Variants in HECW1 observed in about 807,000 individuals in gnomAD.
HECW1 encodes E3 ubiquitin-protein ligase HECW1.
A neutral mutation model predicts 182.3 loss-of-function variants in HECW1; 61 were observed. The ratio of observed to expected loss-of-function variants is 0.33; its 90% confidence interval spans 0.27 to 0.41. The LOEUF is 0.41. HECW1 is among the 10% of genes least tolerant of loss of function. The probability of loss-of-function intolerance (pLI) is 1.00; values close to 1 mark genes in which losing one functional copy is unlikely to be tolerated. For missense variants in HECW1, 1,739 were observed against 2,108.9 expected (o/e 0.82, Z 3.44); for synonymous variants, 859 against 832.6 (o/e 1.03, Z -0.55).
rs1370785141 is a variant in HECW1 at position 43,456,419 on chromosome 7, A to C, written c.2623A>C (p.Ile875Leu). The C allele has an allele frequency of 2.5e-6, 4 of 1,613,968 alleles. No homozygotes were observed. The highest frequency in any genetic ancestry group is 3.4e-6 in the Non-Finnish European group (4 of 1,179,980). The stretch of plus-strand genomic sequence containing the variant: ...GGATGGCATGCGGAGATCGGGGTCC[A>C]TCCAGCAGATGGAGCAACTCAACAG... Reference protein sequence around the residue: ...TPDGMRRSGSIQQMEQLNRRY... With the variant: ...TPDGMRRSGSLQQMEQLNRRY... Residue 875 changes from isoleucine (I) to leucine (L), a missense_variant, in exon 13 of 30, where the codon ATC (isoleucine) becomes CTC (leucine). By Grantham distance (5) the Ile-to-Leu change is conservative (BLOSUM62 2). Coordinates refer to ENST00000395891, the MANE Select transcript of HECW1 (RefSeq NM_015052.5).
chr7:43,272,479 A>C (rs147725570), intron 3 of HECW1, among the ~76,000 whole-genome samples: 104 of 152,320 alleles, frequency 6.8e-4, no homozygotes, highest in African/African-American at 2.5e-3. Context: ...TTAATTGAAC[A>C]AGCAAAAAAC....
At chr7:43,165,018 C>T (rs1232710792) in intron 2 of HECW1, among the ~76,000 whole-genome samples, 1 of 152,198 alleles carries the variant, frequency 6.6e-6, no homozygotes, top group Non-Finnish European at 1.5e-5. Context: ...ATATTTGTAA[C>T]TGCTCCCTTG....
At chr7:43,374,284 T>C (rs1000802538) in intron 6 of HECW1, among the ~76,000 whole-genome samples, 29 of 152,184 alleles carry the variant, frequency 1.9e-4, no homozygotes, top group African/African-American at 6.5e-4. Flanking sequence ...CTCTACATGA[T>C]TCAAGAGAAC....
intron 3 of HECW1, among the ~76,000 whole-genome samples, chr7:43,261,966 A>G (rs116117333): frequency 0.014 from 2,055 of 152,192 alleles, 48 homozygotes; most frequent in African/African-American, 0.047. Context: ...TATGCCTGTA[A>G]TCCCAGCTCT....
intron 8 of HECW1, among the ~76,000 whole-genome samples, chr7:43,417,731 T>C (rs1469577152): frequency 1.3e-5 from 2 of 152,202 alleles, no homozygotes; most frequent in Non-Finnish European, 2.9e-5. Context: ...CACTGTGTTA[T>C]GGTCTCCATA....
At chr7:43,399,745 C>T (rs2075343947) in intron 7 of HECW1, among the ~76,000 whole-genome samples, 1 of 152,198 alleles carries the variant, frequency 6.6e-6, no homozygotes, top group Admixed American at 6.5e-5. Context: ...TCCCCAAACA[C>T]ATCATTTTTC....
intron 26 of HECW1, among the ~76,000 whole-genome samples, chr7:43,549,635 G>C (rs1306987070): frequency 6.6e-6 from 1 of 152,172 alleles, no homozygotes; most frequent in Admixed American, 6.5e-5. Flanking sequence ...GATGACTCAA[G>C]CATGTCCTAA....
At chr7:43,309,673 G>A (rs576841066) in intron 3 of HECW1, among the ~76,000 whole-genome samples, 2 of 152,308 alleles carry the variant, frequency 1.3e-5, no homozygotes, top group South Asian at 4.1e-4. Context: ...TCTCCCCTGA[G>A]CACCAGTATA....
intron 6 of HECW1, among the ~76,000 whole-genome samples, chr7:43,371,610 A>G (rs60103742): frequency 0.053 from 7,990 of 152,188 alleles, 653 homozygotes; most frequent in African/African-American, 0.17. Flanking sequence ...AAAATTTATC[A>G]AATTTATCAA....
chr7:43,294,991 G>A (rs1014872751), intron 3 of HECW1, among the ~76,000 whole-genome samples: 15 of 152,048 alleles, frequency 9.9e-5, no homozygotes, highest in African/African-American at 2.4e-4. Flanking sequence ...GCAGGACAAC[G>A]CCAAGCAGGG....
At chr7:43,303,433 A>G (rs1266297445) in intron 3 of HECW1, among the ~76,000 whole-genome samples, 3 of 149,754 alleles carry the variant, frequency 2.0e-5, no homozygotes, top group Non-Finnish European at 4.4e-5. Context: ...TTTATGAGCG[A>G]TAAGGCATTA....
At chr7:43,400,156 A>G (rs2075359646) in intron 7 of HECW1, among the ~76,000 whole-genome samples, 1 of 152,220 alleles carries the variant, frequency 6.6e-6, no homozygotes, top group Non-Finnish European at 1.5e-5. Context: ...GGATCACTTG[A>G]GCCCAGGGGT....
intron 24 of HECW1, chr7:43,509,609 G>A (rs546397739): frequency 6.5e-6 from 1 of 153,766 alleles, no homozygotes; most frequent in East Asian, 1.9e-4. Flanking sequence ...GTTCCTGGGT[G>A]GTCTGCTGTT....
chr7:43,263,934 A>G (rs946516501), intron 3 of HECW1, among the ~76,000 whole-genome samples: 2 of 152,218 alleles, frequency 1.3e-5, no homozygotes, highest in African/African-American at 4.8e-5. Context: ...ACAAATCTCT[A>G]ATTTTTAAAA....
At chr7:43,255,732 GC>G (rs1341609737) in intron 3 of HECW1, among the ~76,000 whole-genome samples, 1 of 151,414 alleles carries the variant, frequency 6.6e-6, no homozygotes, top group Non-Finnish European at 1.5e-5. Context: ...AGCCAAGCCA[GC>G]CCCAGCTTAT....
intron 2 of HECW1, among the ~76,000 whole-genome samples, chr7:43,203,940 AT>A (rs1215816190): frequency 6.6e-6 from 1 of 152,194 alleles, no homozygotes; most frequent in East Asian, 1.9e-4. Flanking sequence ...TTAGATGTAT[AT>A]TGCTGAAAAA....
rs1719583471 is a variant in HECW1 at position 43,564,106 on chromosome 7, C to G, written c.*2180C>G. 2 of 189,730 alleles carry G rather than the reference C, an allele frequency of 1.1e-5. No individual in the cohort carries two copies. The highest frequency in any genetic ancestry group is 4.7e-5 in the African/African-American group (2 of 42,914). 11.8% of individuals were successfully genotyped at this position (189,730 alleles called of 1,614,324 possible). The stretch of plus-strand genomic sequence containing the variant: ...TTCAGCATCTGAAAAATAATGGATT[C>G]CAATGGAGCTATTGTTTTATTTATG... On this transcript the variant is annotated 3_prime_UTR_variant, in exon 30 of 30. Transcript: ENST00000395891.
chr7:43,194,846 C>G (rs765287172), intron 2 of HECW1, among the ~76,000 whole-genome samples: 1 of 151,976 alleles, frequency 6.6e-6, no homozygotes, highest in Admixed American at 6.5e-5. Flanking sequence ...GGCGCCTGCC[C>G]CCACACCTGG....
chr7:43,473,304 T>C (rs1244262272), intron 16 of HECW1, among the ~76,000 whole-genome samples: 1 of 152,192 alleles, frequency 6.6e-6, no homozygotes, highest in Non-Finnish European at 1.5e-5. Flanking sequence ...ATAAACCTTT[T>C]TTCTTTAGAA....
Sources: gnomAD v4.1 joint callset for allele counts (sites outside exome capture counted in the v4.1 genomes callset) on GRCh38, gnomAD v4.1.1 for gene constraint, MANE v1.5 for transcripts, NCBI Gene and HGNC (gene_info 2026-07-23, HGNC 2026-07-21) for gene names.